Variants in NRCAM observed in about 807,000 individuals in gnomAD.
The protein encoded by NRCAM is neuronal cell adhesion molecule, also known as NgCAM-related cell adhesion molecule.
Under a neutral mutation model 156.5 loss-of-function variants are expected in NRCAM, and 83 were observed. The ratio of observed to expected loss-of-function variants is 0.53; its 90% CI spans 0.44 to 0.64. NRCAM has a LOEUF of 0.64. NRCAM is among the 30% of genes least tolerant of loss of function. NRCAM has a pLI of 0.00. For synonymous variants in NRCAM, 538 were observed against 563.9 expected, an observed-to-expected ratio of 0.95 and a Z score of 0.65; for missense variants, 1,417 against 1,597.3, an observed-to-expected ratio of 0.89 and a Z score of 1.92.
intron 2 of NRCAM, among the ~76,000 whole-genome samples, chr7:108,375,934 T>C (rs777415189): frequency 6.6e-6 from 1 of 152,206 alleles, no homozygotes; most frequent in Non-Finnish European, 1.5e-5. Context: ...CAGGAACATT[T>C]CAATATGACT....
intron 14 of NRCAM, among the ~76,000 whole-genome samples, chr7:108,197,277 G>A (rs2075650158): frequency 6.6e-6 from 1 of 152,140 alleles, no homozygotes; most frequent in Non-Finnish European, 1.5e-5. Context: ...TTCATTTCAA[G>A]CATGAAAGGA....
intron 3 of NRCAM, among the ~76,000 whole-genome samples, chr7:108,300,967 T>A (rs987727332): frequency 6.6e-6 from 1 of 152,116 alleles, no homozygotes; most frequent in African/African-American, 2.4e-5. Flanking sequence ...AAATTTTTGT[T>A]AAAAATAGTT....
intron 8 of NRCAM, among the ~76,000 whole-genome samples, chr7:108,229,028 T>A (rs556455586): frequency 2.6e-4 from 40 of 152,312 alleles, no homozygotes; most frequent in African/African-American, 9.6e-4. Context: ...ATTTTCTCTT[T>A]AGTAATGTAT....
At chr7:108,400,974 T>C (rs1457700641) in intron 1 of NRCAM, among the ~76,000 whole-genome samples, 1 of 152,150 alleles carries the variant, frequency 6.6e-6, no homozygotes, top group African/African-American at 2.4e-5. Flanking sequence ...TTTAAGGAAC[T>C]ACAGGCCAGG....
chr7:108,244,199 C>T (rs1489488541), intron 3 of NRCAM, among the ~76,000 whole-genome samples: 1 of 152,054 alleles, frequency 6.6e-6, no homozygotes, highest in Admixed American at 6.6e-5. Flanking sequence ...TCTATTTGGG[C>T]TTTTCAGCAT....
intron 2 of NRCAM, among the ~76,000 whole-genome samples, chr7:108,318,738 C>T (rs575225530): frequency 1.3e-5 from 2 of 152,222 alleles, no homozygotes; most frequent in South Asian, 2.1e-4. Context: ...GTTTCATTCA[C>T]GGGTGAGCAG....
At chr7:108,240,668 A>G (rs2095462112) in intron 3 of NRCAM, among the ~76,000 whole-genome samples, 1 of 152,182 alleles carries the variant, frequency 6.6e-6, no homozygotes, top group Admixed American at 6.5e-5. Flanking sequence ...CACCTAGATT[A>G]TAGCAACAAA....
intron 1 of NRCAM, among the ~76,000 whole-genome samples, chr7:108,453,005 G>A (rs922352616): frequency 2.0e-5 from 3 of 149,874 alleles, no homozygotes; most frequent in South Asian, 4.4e-4. Context: ...CAAGTTCATC[G>A]GCTATGCATT....
chr7:108,378,632 A>AAC (rs3077977), intron 2 of NRCAM, among the ~76,000 whole-genome samples: 3,302 of 115,798 alleles, frequency 0.029, 66 homozygotes, highest in Middle Eastern at 0.053. Flanking sequence ...AGCAGGATTC[A>AAC]ACACACACAC....
intron 32 of NRCAM, among the ~76,000 whole-genome samples, chr7:108,155,125 C>T (rs1191607019): frequency 6.8e-5 from 10 of 147,688 alleles, no homozygotes; most frequent in African/African-American, 1.3e-4. Flanking sequence ...CACACACACA[C>T]ACACACACAC....
intron 3 of NRCAM, among the ~76,000 whole-genome samples, chr7:108,307,043 ATAGT>A (rs1362402949): frequency 2.6e-5 from 4 of 152,222 alleles, no homozygotes; most frequent in Admixed American, 2.6e-4. Context: ...TATGAACATC[ATAGT>A]TTATAGAGTC....
At position 108,223,853 on chromosome 7, in the gene NRCAM, C is replaced by G; in HGVS notation, c.779-17G>C. 8.6e-7 allele frequency: 1 copy of G among 1,162,122 alleles called. No homozygotes were observed. The highest frequency in any genetic ancestry group is 1.5e-5 in the African/African-American group (1 of 66,158). The allele number at this position is 1,162,122 out of a possible 1,614,324, so 72.0% of individuals were successfully genotyped here. Reference sequence around the variant, plus strand: ...TTGATTTAGCTGCAAACAAGAAAATCAGTATGCATTACAACTTATAAATAT... The same window carrying G: ...TTGATTTAGCTGCAAACAAGAAAATGAGTATGCATTACAACTTATAAATAT... On this transcript the variant is annotated splice_polypyrimidine_tract_variant and intron_variant, in intron 10 of 32. Transcript: ENST00000379028.
chr7:108,150,012 G>A lies in NRCAM; in HGVS notation c.3813C>T (p.Ser1271=), dbSNP rs751752831. Residue 1271 remains serine (S), a synonymous_variant, in exon 33 of 33, where the codon TCC becomes TCT. Coordinates refer to ENST00000379028, the MANE Select transcript of NRCAM (RefSeq NM_001037132.4). The part of the protein sequence containing the change: ...GVNGQFNEDG[S]FIGQYSGKKE... ...TCTTACCACTGTATTGTCCAATAAA[G>A]GAGCCATCCTCATTGAACTGGCCAT... 22 of 1,614,026 alleles carry A rather than the reference G, an allele frequency of 1.4e-5. No individual in the cohort carries two copies. Among genetic ancestry groups the A allele is most frequent in the Admixed American group, 3.3e-5 (2 of 59,996 alleles).
At chr7:108,319,408 GA>G (rs1282046590) in intron 2 of NRCAM, among the ~76,000 whole-genome samples, 2 of 152,188 alleles carry the variant, frequency 1.3e-5, no homozygotes, top group African/African-American at 4.8e-5. Flanking sequence ...TGCCCTCATA[GA>G]GCATTTACTT....
chr7:108,342,004 TGA>T (rs1312098909), intron 2 of NRCAM, among the ~76,000 whole-genome samples: 1 of 152,198 alleles, frequency 6.6e-6, no homozygotes, highest in Non-Finnish European at 1.5e-5. Flanking sequence ...CTGTACATCC[TGA>T]CTCTCGATTC....
intron 2 of NRCAM, among the ~76,000 whole-genome samples, chr7:108,317,778 G>A (rs538798144): frequency 5.3e-5 from 8 of 151,684 alleles, no homozygotes; most frequent in South Asian, 2.1e-4. Context: ...ACGTGGTGGC[G>A]GGCACCTGTA....
chr7:108,204,180 A>G (rs1293484228), intron 13 of NRCAM, among the ~76,000 whole-genome samples: 2 of 152,206 alleles, frequency 1.3e-5, no homozygotes, highest in Non-Finnish European at 2.9e-5. Flanking sequence ...AGGGGATGAA[A>G]AAGAGAGCGG....
intron 3 of NRCAM, among the ~76,000 whole-genome samples, chr7:108,299,111 A>AG (rs1359133973): frequency 6.9e-4 from 61 of 88,378 alleles, no homozygotes; most frequent in African/African-American, 2.5e-3. Flanking sequence ...ATCTCAAAAA[A>AG]AAAAAAGAAA....
chr7:108,180,521 T>C, intron 24 of NRCAM, 94 bp from the exon 25 acceptor site: 1 of 991,384 alleles, frequency 1.0e-6, no homozygotes, highest in Non-Finnish European at 1.5e-6. Flanking sequence ...TCCAGAAAAT[T>C]CCGTTGGTAT....
Sources: gnomAD v4.1 joint callset for allele counts (sites outside exome capture counted in the v4.1 genomes callset) on GRCh38, gnomAD v4.1.1 for gene constraint, MANE v1.5 for transcripts, NCBI Gene and HGNC (gene_info 2026-07-23, HGNC 2026-07-21) for gene names.